ANK3: variants seen among roughly 807,000 people sequenced by gnomAD.
ANK3 encodes the protein ankyrin-3.
ANK3 carries 57 observed loss-of-function variants against 370.9 expected under a neutral mutation model. The ratio of observed to expected loss-of-function variants is 0.15; its 90% confidence interval spans 0.12 to 0.19. The LOEUF (loss-of-function observed/expected upper bound fraction) is 0.19, where lower values mean the gene tolerates loss of function less well. Among genes scored for constraint, ANK3 ranks in the 10% least tolerant of loss-of-function variants. The pLI is 1.00. For synonymous variants in ANK3, 1,929 were observed against 1,946.3 expected (o/e 0.99, Z 0.23); for missense variants, 4,439 against 5,302.1 (o/e 0.84, Z 5.06).
chr10:60,088,349 C>G lies in ANK3; in HGVS notation c.3338G>C (p.Ser1113Thr). ...LLNGMDEELD[S>T]PEELGKKRIC... ...ACGCTTTTTCCCTAACTCTTCTGGG[C>G]TATCAAGTTCTGAAAAGACAAATGA... Residue 1113 changes from serine to threonine, a missense_variant, in exon 29 of 44, where the codon AGC becomes ACC. By Grantham distance (58) the Ser-to-Thr change is moderately conservative. Around this residue, in one of 13 missense-constraint regions of ANK3, gnomAD observed 702 missense variants for 941.5 expected, o/e 0.75. Coordinates refer to ENST00000280772, the MANE Select transcript of ANK3 (RefSeq NM_020987.5). 1 of 1,613,926 alleles carries G rather than the reference C, an allele frequency of 6.2e-7. No homozygotes were observed. Among genetic ancestry groups the G allele is most frequent in the Non-Finnish European group, 8.5e-7 (1 of 1,179,854 alleles).
At chr10:60,632,468 C>T (rs1194970876) in intron 1 of ANK3, among the ~76,000 whole-genome samples, 3 of 152,038 alleles carry the variant, frequency 2.0e-5, no homozygotes, top group African/African-American at 7.2e-5. Context: ...CTTATTCTTG[C>T]CAGGGCATGG....
intron 41 of ANK3, among the ~76,000 whole-genome samples, chr10:60,056,417 T>C (rs2079181970): frequency 6.6e-6 from 1 of 151,902 alleles, no homozygotes; most frequent in Non-Finnish European, 1.5e-5. Context: ...TGCAGTGAGC[T>C]GAGATTGTGC....
intron 18 of ANK3, among the ~76,000 whole-genome samples, chr10:60,174,616 T>A (rs896239466): frequency 2.6e-5 from 4 of 152,228 alleles, no homozygotes; most frequent in African/African-American, 4.8e-5. Context: ...CAATATTTTT[T>A]AAAAATCTAA....
chr10:60,711,878 A>C (rs2079713999), intron 1 of ANK3, among the ~76,000 whole-genome samples: 1 of 152,252 alleles, frequency 6.6e-6, no homozygotes, highest in Non-Finnish European at 1.5e-5. Context: ...TAACCACATT[A>C]GATTTCTCTT....
chr10:60,311,518 C>T (rs1397757925), intron 1 of ANK3, among the ~76,000 whole-genome samples: 1 of 149,112 alleles, frequency 6.7e-6, no homozygotes, highest in African/African-American at 2.5e-5. Flanking sequence ...GAGAATAGTC[C>T]TAGTTCCTTC....
At chr10:60,190,689 C>T (rs1431784121) in intron 16 of ANK3, among the ~76,000 whole-genome samples, 2 of 152,146 alleles carry the variant, frequency 1.3e-5, no homozygotes, top group African/African-American at 2.4e-5. Flanking sequence ...ACTGCAATTC[C>T]TGTTAAAATA....
chr10:60,600,323 T>C (rs10994424), intron 2 of ANK3, among the ~76,000 whole-genome samples: 25,209 of 152,134 alleles, frequency 0.17, 2,331 homozygotes, highest in South Asian at 0.28. Context: ...CTACTCCTAA[T>C]TCCAGATTTT....
At chr10:60,266,759 A>G (rs900766879) in intron 5 of ANK3, among the ~76,000 whole-genome samples, 2 of 152,214 alleles carry the variant, frequency 1.3e-5, no homozygotes, top group Non-Finnish European at 2.9e-5. Context: ...AACCAAGTTT[A>G]AATGGTGTGG....
At chr10:60,608,591 C>T (rs889855849) in intron 2 of ANK3, among the ~76,000 whole-genome samples, 19 of 152,192 alleles carry the variant, frequency 1.2e-4, no homozygotes, top group African/African-American at 4.6e-4. Flanking sequence ...GCATCTGAGA[C>T]TTTCTAGATC....
At chr10:60,487,156 C>G (rs2075370575) in intron 2 of ANK3, among the ~76,000 whole-genome samples, 1 of 152,152 alleles carries the variant, frequency 6.6e-6, no homozygotes, top group Non-Finnish European at 1.5e-5. Context: ...GAACTCTATA[C>G]TATCAATATT....
chr10:60,653,726 G>C (rs1428804812), intron 1 of ANK3, among the ~76,000 whole-genome samples: 1 of 152,128 alleles, frequency 6.6e-6, no homozygotes, highest in Non-Finnish European at 1.5e-5. Context: ...AAATTAGCTG[G>C]GTGTGGTGGT....
At chr10:60,663,207 T>C (rs2078956738) in intron 1 of ANK3, among the ~76,000 whole-genome samples, 1 of 152,176 alleles carries the variant, frequency 6.6e-6, no homozygotes, top group African/African-American at 2.4e-5. Flanking sequence ...ACCAGGAGGT[T>C]TGAAATTCTG....
chr10:60,419,359 A>C (rs2063733387), intron 2 of ANK3, among the ~76,000 whole-genome samples: 1 of 152,102 alleles, frequency 6.6e-6, no homozygotes, highest in Non-Finnish European at 1.5e-5. Context: ...TCCTACTCTG[A>C]CAGTCTATAA....
At chr10:60,131,598 A>G (rs1287797277) in intron 25 of ANK3, among the ~76,000 whole-genome samples, 1 of 152,152 alleles carries the variant, frequency 6.6e-6, no homozygotes, top group African/African-American at 2.4e-5. Context: ...ACAAATCCTT[A>G]GTTCTGAGTA....
chr10:60,682,222 T>G (rs974342848), intron 1 of ANK3, among the ~76,000 whole-genome samples: 68 of 152,192 alleles, frequency 4.5e-4, no homozygotes, highest in African/African-American at 1.5e-3. Context: ...TTAAATAACT[T>G]GTCCAAGGTC....
intron 2 of ANK3, among the ~76,000 whole-genome samples, chr10:60,523,471 A>G (rs944850466): frequency 1.5e-5 from 2 of 136,718 alleles, no homozygotes; most frequent in African/African-American, 5.5e-5. Flanking sequence ...ATTCCCACCT[A>G]TGAGTGAGAA....
At chr10:60,216,862 C>A (rs923884127) in intron 8 of ANK3, among the ~76,000 whole-genome samples, 2 of 152,074 alleles carry the variant, frequency 1.3e-5, no homozygotes, top group African/African-American at 4.8e-5. Context: ...CTTTGTATTT[C>A]TGATAGAATT....
chr10:60,536,247 G>T (rs1336219363), intron 2 of ANK3, among the ~76,000 whole-genome samples: 1 of 151,980 alleles, frequency 6.6e-6, no homozygotes, highest in Non-Finnish European at 1.5e-5. Flanking sequence ...TATAATTGCA[G>T]ATGAAAAATG....
chr10:60,553,564 C>T (rs906910777), intron 2 of ANK3, among the ~76,000 whole-genome samples: 4 of 152,118 alleles, frequency 2.6e-5, no homozygotes, highest in South Asian at 2.1e-4. Context: ...TTTTCAGCTA[C>T]GGTCTCTGTA....
Sources: gnomAD v4.1 joint callset for allele counts (sites outside exome capture counted in the v4.1 genomes callset) on GRCh38, gnomAD v4.1.1 for gene constraint, gnomAD v4.1.1 regional missense constraint, MANE v1.5 for transcripts, NCBI Gene and HGNC (gene_info 2026-07-23, HGNC 2026-07-21) for gene names.